Variants in OTOGL observed in about 807,000 individuals in gnomAD.
The protein encoded by OTOGL is otogelin like, also known as otogelin-like protein.
A neutral mutation model predicts 318.5 loss-of-function variants in OTOGL; 285 were observed. The observed-to-expected ratio is 0.89, with a 90% CI of 0.81 to 0.99. OTOGL has a LOEUF of 0.99. OTOGL is among the 50% of genes least tolerant of loss of function. The pLI is 0.00. For synonymous variants in OTOGL, 987 were observed against 936.5 expected (o/e 1.05, Z -0.99); for missense variants, 2,899 against 2,845.6 (o/e 1.02, Z -0.43).
chr12:80,210,257 A>G (rs1877147045), intron 2 of OTOGL, among the ~76,000 whole-genome samples: 1 of 152,162 alleles, frequency 6.6e-6, no homozygotes, highest in Admixed American at 6.6e-5. Flanking sequence ...TTTTTAATAG[A>G]TAAGCACTTT....
chr12:80,142,040 T>C (rs1871979450), intron 1 of OTOGL, among the ~76,000 whole-genome samples: 1 of 151,984 alleles, frequency 6.6e-6, no homozygotes, highest in African/African-American at 2.4e-5. Flanking sequence ...GGGAGCTGTA[T>C]TGCTTGCTTA....
In OTOGL at chr12:80,362,634, G is replaced by T. The variant is rs117651876; in HGVS notation, c.6267+3734G>T. 8.6e-3 allele frequency among the ~76,000 whole-genome samples: 1,313 copies of T among 152,126 alleles called. 45 individuals are homozygous for T. The highest frequency in any genetic ancestry group is 0.049 in the East Asian group (254 of 5,172). ...AAAACTTAATTTCTTAAATTATTTT[G>T]TTATATTTGATTACAAATTAAACAT... On this transcript the variant is annotated intron_variant, in intron 52 of 58. Coordinates refer to ENST00000547103, the MANE Select transcript of OTOGL (RefSeq NM_001378609.3).
At chr12:80,147,267 T>A (rs1030627409) in intron 1 of OTOGL, among the ~76,000 whole-genome samples, 1 of 148,450 alleles carries the variant, frequency 6.7e-6, no homozygotes, top group African/African-American at 2.5e-5. Context: ...TTTGTTCTCG[T>A]TGGTTTCAAA....
chr12:80,133,294 T>C (rs1871348668), intron 1 of OTOGL, among the ~76,000 whole-genome samples: 1 of 152,128 alleles, frequency 6.6e-6, no homozygotes, highest in South Asian at 2.1e-4. Flanking sequence ...GGATTGAAAG[T>C]GTCTTCTAAA....
chr12:80,108,491 C>T (rs893712066), intron 1 of OTOGL, among the ~76,000 whole-genome samples: 8 of 151,716 alleles, frequency 5.3e-5, no homozygotes, highest in Non-Finnish European at 1.2e-4. Context: ...TAAAGTGACA[C>T]TTGCTAGATA....
In OTOGL at chr12:80,313,626, GT is replaced by G. The variant is rs1886792343; in HGVS notation, c.3604del (p.Cys1202ValfsTer33). ...GISIHWRSST[V>X]CSLDCEYYNE... Reference sequence around the variant, plus strand: ...ATCAATTCATTGGAGATCATCTACTGTTTGTTGTAAGTACCCTACTTAGAAC... The same window carrying G: ...ATCAATTCATTGGAGATCATCTACTGTTGTTGTAAGTACCCTACTTAGAAC... On this transcript the variant is annotated frameshift_variant, in exon 31 of 59. Coordinates refer to ENST00000547103, the MANE Select transcript of OTOGL (RefSeq NM_001378609.3). LOFTEE classifies it high-confidence loss of function. 2.5e-6 allele frequency: 4 copies of G among 1,609,912 alleles called. No individual in the cohort carries two copies. Among genetic ancestry groups the G allele is most frequent in the Non-Finnish European group, 3.4e-6 (4 of 1,177,322 alleles).
At chr12:80,244,248 C>T (rs1008178257) in intron 11 of OTOGL, among the ~76,000 whole-genome samples, 13 of 149,990 alleles carry the variant, frequency 8.7e-5, no homozygotes, top group African/African-American at 2.7e-4. Flanking sequence ...TATACATGTG[C>T]TGTGCTGGTG....
At chr12:80,252,040 A>G (rs575451165) in intron 12 of OTOGL, 36 bp from the exon 13 acceptor site, 1 of 1,466,008 alleles carries the variant, frequency 6.8e-7, no homozygotes, top group Admixed American at 2.7e-5. Flanking sequence ...AGAGGCTAAT[A>G]AAATTGACTT....
intron 24 of OTOGL, 75 bp from the exon 25 acceptor site, chr12:80,278,093 A>G (rs761697446): frequency 2.6e-6 from 3 of 1,139,926 alleles, no homozygotes; most frequent in Admixed American, 2.0e-5. Flanking sequence ...CAGTGTTAAT[A>G]TGCTAAGATT....
chr12:80,332,933 T>G (rs1467641609), intron 37 of OTOGL, 72 bp from the exon 38 acceptor site: 6 of 1,258,120 alleles, frequency 4.8e-6, no homozygotes, highest in Non-Finnish European at 6.8e-6. Flanking sequence ...TTAGCACAGT[T>G]TCTGTCACAT....
intron 20 of OTOGL, chr12:80,265,791 A>G (rs1366278734): frequency 2.0e-5 from 3 of 153,634 alleles, no homozygotes; most frequent in African/African-American, 7.3e-5. Flanking sequence ...TCATTCCTTC[A>G]TTGGATTTTT....
At chr12:80,190,058 G>C (rs1592530817) in intron 1 of OTOGL, among the ~76,000 whole-genome samples, 1 of 152,130 alleles carries the variant, frequency 6.6e-6, no homozygotes, top group East Asian at 1.9e-4. Flanking sequence ...AAATATTACA[G>C]ATATTGCATT....
intron 44 of OTOGL, among the ~76,000 whole-genome samples, chr12:80,351,901 T>C (rs1399179783): frequency 6.6e-6 from 1 of 152,186 alleles, no homozygotes; most frequent in Non-Finnish European, 1.5e-5. Flanking sequence ...TTTGTAACTT[T>C]ACTTAATAAG....
intron 5 of OTOGL, 114 bp downstream of exon 5, chr12:80,217,778 G>A (rs1263864671): frequency 1.4e-6 from 1 of 737,046 alleles, no homozygotes; most frequent in Non-Finnish European, 2.2e-6. Context: ...AGTGAGCCAG[G>A]ATGGTAGTAA....
chr12:80,233,154 C>T lies in OTOGL; in HGVS notation c.817+57C>T, dbSNP rs1879531295. 1.7e-5 allele frequency: 24 copies of T among 1,438,830 alleles called. No individual in the cohort carries two copies. The Admixed American group carries it at 5.0e-4, about 30-fold the overall frequency. The allele number at this position is 1,438,830 out of a possible 1,614,324, so 89.1% of individuals were successfully genotyped here. On this transcript the variant is annotated intron_variant, in intron 9 of 58. Coordinates refer to ENST00000547103, the MANE Select transcript of OTOGL (RefSeq NM_001378609.3). Reference sequence around the variant, plus strand: ...TTCTAAAGCCTTCTTCTTCCCCTGACCAAGTTGTTTGTACCCAGAAGACTT... The same window carrying T: ...TTCTAAAGCCTTCTTCTTCCCCTGATCAAGTTGTTTGTACCCAGAAGACTT...
rs1886791357 is a variant in OTOGL, at chr12:80,313,621, CTACTGTTTGTTGTAAG to C, written c.3600_3607+8del. The C allele has an allele frequency of 6.2e-7, 1 of 1,610,800 alleles. No homozygotes were observed. ...GGAATATCAATTCATTGGAGATCATCTACTGTTTGTTGTAAGTACCCTACTTAGAACATCATTATGT... is the reference window on the plus strand; with the variant it reads ...GGAATATCAATTCATTGGAGATCATCTACCCTACTTAGAACATCATTATGT... On this transcript the variant is annotated splice_donor_variant and splice_donor_5th_base_variant and coding_sequence_variant and intron_variant, in exon 31 of 59. Transcript: ENST00000547103. LOFTEE classifies it high-confidence loss of function.
intron 11 of OTOGL, among the ~76,000 whole-genome samples, chr12:80,251,253 T>A (rs1326904668): frequency 6.6e-6 from 1 of 152,218 alleles, no homozygotes; most frequent in Non-Finnish European, 1.5e-5. Flanking sequence ...AAGAGTATGA[T>A]CTTTTGGAAA....
At chr12:80,249,530 C>A (rs1442211971) in intron 11 of OTOGL, among the ~76,000 whole-genome samples, 2 of 151,948 alleles carry the variant, frequency 1.3e-5, no homozygotes, top group African/African-American at 4.8e-5. Context: ...GTTCTCAGAT[C>A]TCCAGCTGCG....
chr12:80,110,166 C>G (rs1869748732), intron 1 of OTOGL, among the ~76,000 whole-genome samples: 1 of 148,448 alleles, frequency 6.7e-6, no homozygotes, highest in Non-Finnish European at 1.5e-5. Flanking sequence ...CTCCCAGGTT[C>G]ACGCCATTCT....
Sources: allele counts gnomAD v4.1 joint callset (sites outside exome capture counted in the v4.1 genomes callset), GRCh38; gene constraint gnomAD v4.1.1; transcripts MANE v1.5; gene names NCBI Gene and HGNC (gene_info 2026-07-23, HGNC 2026-07-21).